The following BCKDHB variants were observed in gnomAD, a reference collection of about 807,000 sequenced individuals.
The protein encoded by BCKDHB is branched chain keto acid dehydrogenase E1 subunit beta.
Under a neutral mutation model 48.5 loss-of-function variants are expected in BCKDHB, and 41 were observed. The ratio of observed to expected loss-of-function variants is 0.85; its 90% CI spans 0.66 to 1.10. BCKDHB has a LOEUF of 1.10. Ranked by LOEUF, BCKDHB falls within the 50% of genes least tolerant of loss-of-function variation. The pLI is 0.00. For missense variants in BCKDHB, 496 were observed against 494.2 expected, an observed-to-expected ratio of 1.00 and a Z score of -0.03; for synonymous variants, 201 against 174.8, an observed-to-expected ratio of 1.15 and a Z score of -1.18.
chr6:80,296,505 A>G (rs926907011), intron 9 of BCKDHB, among the ~76,000 whole-genome samples: 12 of 152,212 alleles, frequency 7.9e-5, no homozygotes, highest in African/African-American at 2.9e-4. Context: ...TATGATTTTA[A>G]TATATCAAAT....
chr6:80,240,403 C>G (rs1480145576), intron 8 of BCKDHB, among the ~76,000 whole-genome samples: 1 of 152,028 alleles, frequency 6.6e-6, no homozygotes, highest in African/African-American at 2.4e-5. Context: ...AGTTGGATTC[C>G]TAGGTATTTT....
At chr6:80,232,118 G>A (rs1341851997) in intron 8 of BCKDHB, among the ~76,000 whole-genome samples, 1 of 152,146 alleles carries the variant, frequency 6.6e-6, no homozygotes, top group Admixed American at 6.5e-5. Flanking sequence ...AATGCTTTCA[G>A]AGAATTAAAG....
intron 3 of BCKDHB, among the ~76,000 whole-genome samples, chr6:80,143,267 A>T (rs1771313501): frequency 6.6e-6 from 1 of 152,126 alleles, no homozygotes; most frequent in Non-Finnish European, 1.5e-5. Context: ...CACTTACCTG[A>T]AGTCACTTAA....
In BCKDHB at chr6:80,144,670, A is replaced by G. The variant is rs141370470; in HGVS notation, c.343+15441A>G. Among the ~76,000 whole-genome samples, 264 of 152,224 alleles carry G rather than the reference A, an allele frequency of 1.7e-3. 1 individual carries two copies. The highest frequency in any genetic ancestry group is 6.0e-3 in the African/African-American group (250 of 41,534). ...ATTTCTGGCCAGATTAACTTAATTC[A>G]CGCTCATTTCTAGCTCACCCTCTTT... On this transcript the variant is annotated intron_variant, in intron 3 of 9. Coordinates refer to ENST00000320393, the MANE Select transcript of BCKDHB (RefSeq NM_183050.4).
At chr6:80,108,219 C>T (rs77500012) in intron 1 of BCKDHB, among the ~76,000 whole-genome samples, 10,898 of 151,594 alleles carry the variant, frequency 0.072, 478 homozygotes, top group South Asian at 0.099. Context: ...CCATTCTAAA[C>T]AATGTACTAA....
At chr6:80,433,682 A>C in the BCKDHB span, among the ~76,000 whole-genome samples, 2 of 151,766 alleles carry the variant, frequency 1.3e-5, no homozygotes, top group Non-Finnish European at 2.9e-5. Flanking sequence ...GTTCTGTCTC[A>C]TTGGCATTCC....
intron 1 of BCKDHB, among the ~76,000 whole-genome samples, chr6:80,118,955 G>A (rs961749392): frequency 3.4e-4 from 52 of 152,118 alleles, no homozygotes; most frequent in African/African-American, 1.2e-3. Context: ...TTTCTACCAC[G>A]TCTGCAGTTA....
intron 6 of BCKDHB, among the ~76,000 whole-genome samples, chr6:80,172,171 T>G (rs75381838): frequency 6.6e-6 from 1 of 152,228 alleles, no homozygotes; most frequent in African/African-American, 2.4e-5. Flanking sequence ...TGAGATTCAT[T>G]CATGTTTTTG....
intron 3 of BCKDHB, among the ~76,000 whole-genome samples, chr6:80,145,773 C>T (rs991226316): frequency 4.6e-5 from 7 of 152,108 alleles, no homozygotes; most frequent in Non-Finnish European, 8.8e-5. Context: ...ATACCATTAC[C>T]ACATTGACCA....
At chr6:80,274,141 TTTAA>T (rs1203254750) in intron 9 of BCKDHB, among the ~76,000 whole-genome samples, 1 of 152,032 alleles carries the variant, frequency 6.6e-6, no homozygotes, top group Admixed American at 6.6e-5. Flanking sequence ...TTTTTAGATG[TTTAA>T]TTAGTAAACA....
At chr6:80,397,078 A>T in the BCKDHB span, among the ~76,000 whole-genome samples, 3 of 152,188 alleles carry the variant, frequency 2.0e-5, no homozygotes, top group Non-Finnish European at 4.4e-5. Flanking sequence ...TCCTGATTCT[A>T]GAATTTTTTG....
the BCKDHB span, among the ~76,000 whole-genome samples, chr6:80,401,650 T>C: frequency 6.6e-6 from 1 of 151,830 alleles, no homozygotes; most frequent in Non-Finnish European, 1.5e-5. Flanking sequence ...TATTCTTAGC[T>C]ATAGGCACTA....
rs983577249 is a variant in BCKDHB, at chr6:80,123,086, T to C, written c.197-4461T>C. ...CTTGCATGTCCGTTTATAGGCTCTC[T>C]GCAAGAAGAAAAATATGGCTCTTTT... On this transcript the variant is annotated intron_variant, in intron 1 of 9. Transcript: ENST00000320393. 4.7e-4 allele frequency among the ~76,000 whole-genome samples: 71 copies of C among 151,880 alleles called. 1 individual carries two copies. The highest frequency in any genetic ancestry group is 4.7e-3 in the Admixed American group (71 of 15,224).
chr6:80,463,735 T>C, the BCKDHB span, among the ~76,000 whole-genome samples: 5 of 152,338 alleles, frequency 3.3e-5, no homozygotes, highest in South Asian at 1.0e-3. Flanking sequence ...TAAGCATCTA[T>C]TATATGCCAT....
At chr6:80,145,686 T>C (rs953686167) in intron 3 of BCKDHB, among the ~76,000 whole-genome samples, 1 of 152,160 alleles carries the variant, frequency 6.6e-6, no homozygotes, top group African/African-American at 2.4e-5. Flanking sequence ...CTGGACCAAC[T>C]GTTCACAAGT....
the BCKDHB span, among the ~76,000 whole-genome samples, chr6:80,406,748 G>T: frequency 1.3e-5 from 2 of 152,128 alleles, no homozygotes; most frequent in African/African-American, 4.8e-5. Context: ...TGTAGATTCT[G>T]GATATTAGCT....
At chr6:80,384,485 A>C in the BCKDHB span, among the ~76,000 whole-genome samples, 1 of 152,002 alleles carries the variant, frequency 6.6e-6, no homozygotes, top group Non-Finnish European at 1.5e-5. Flanking sequence ...CAGCCTCATG[A>C]GTAGGTGGGA....
upstream of BCKDHB, chr6:80,106,662 G>C (rs1312612667): frequency 6.5e-7 from 1 of 1,546,542 alleles, no homozygotes; most frequent in African/African-American, 1.4e-5. Context: ...GCGTGCGGCT[G>C]CATAGCCTGA....
chr6:80,351,652 T>TC, the BCKDHB span, among the ~76,000 whole-genome samples: 1 of 148,012 alleles, frequency 6.8e-6, no homozygotes, highest in Admixed American at 6.7e-5. Flanking sequence ...TTTCTTTTTT[T>TC]TTTTTTTTGA....
Sources: allele counts gnomAD v4.1 joint callset (sites outside exome capture counted in the v4.1 genomes callset), GRCh38; gene constraint gnomAD v4.1.1; transcripts MANE v1.5; gene names NCBI Gene and HGNC (gene_info 2026-07-23, HGNC 2026-07-21).